The following GRK5 variants were observed in gnomAD, a reference collection of about 807,000 sequenced individuals.
GRK5 encodes g protein-coupled receptor kinase GRK5.
Under a neutral mutation model 78.4 loss-of-function variants are expected in GRK5, and 40 were observed. The ratio of observed to expected loss-of-function variants is 0.51; its 90% CI spans 0.40 to 0.66. GRK5 has a LOEUF of 0.66. Among genes scored for constraint, GRK5 ranks in the 30% least tolerant of loss-of-function variants. The pLI is 0.00. For synonymous variants in GRK5, 289 were observed against 296.8 expected (o/e 0.97, Z 0.27); for missense variants, 598 against 759.9 (o/e 0.79, Z 2.50).
At chr10:119,237,146 T>TC (rs952728389) in intron 1 of GRK5, among the ~76,000 whole-genome samples, 9 of 149,028 alleles carry the variant, frequency 6.0e-5, no homozygotes, top group African/African-American at 2.2e-4. Context: ...TACTGCAATC[T>TC]CCGACTCCCA....
At chr10:119,389,875 G>T (rs1379949471) in intron 3 of GRK5, among the ~76,000 whole-genome samples, 2 of 152,020 alleles carry the variant, frequency 1.3e-5, no homozygotes, top group Non-Finnish European at 2.9e-5. Context: ...AAGTGCTTGT[G>T]TCCCTGGTCT....
At chr10:119,214,336 G>A (rs1487136453) in intron 1 of GRK5, among the ~76,000 whole-genome samples, 1 of 152,110 alleles carries the variant, frequency 6.6e-6, no homozygotes, top group Non-Finnish European at 1.5e-5. Context: ...TTTCCCCGAA[G>A]AGCTGAGGCT....
intron 1 of GRK5, among the ~76,000 whole-genome samples, chr10:119,318,829 C>T (rs1273742275): frequency 1.3e-5 from 2 of 152,190 alleles, no homozygotes; most frequent in Non-Finnish European, 2.9e-5. Flanking sequence ...CTCTCAGAAA[C>T]AGCAAAGGCA....
At chr10:119,363,539 G>A (rs1851398453) in intron 2 of GRK5, among the ~76,000 whole-genome samples, 1 of 152,224 alleles carries the variant, frequency 6.6e-6, no homozygotes, top group South Asian at 2.1e-4. Flanking sequence ...TGTCCCTCAT[G>A]GAACAGTGCT....
chr10:119,421,553 G>A (rs1852569558), intron 4 of GRK5, among the ~76,000 whole-genome samples: 1 of 152,252 alleles, frequency 6.6e-6, no homozygotes, highest in Admixed American at 6.5e-5. Context: ...CCCGTGCTCT[G>A]TGGGTTGCTC....
At chr10:119,339,781 C>T (rs1000549146) in intron 2 of GRK5, among the ~76,000 whole-genome samples, 1 of 152,056 alleles carries the variant, frequency 6.6e-6, no homozygotes, top group African/African-American at 2.4e-5. Flanking sequence ...GTAGTTCCAG[C>T]TACTTGGGAG....
intron 2 of GRK5, among the ~76,000 whole-genome samples, chr10:119,366,260 T>C (rs1851447638): frequency 6.6e-6 from 1 of 152,202 alleles, no homozygotes; most frequent in African/African-American, 2.4e-5. Context: ...TCCTGGTGAA[T>C]AGCTTTCTCA....
At position 119,207,705 on chromosome 10, in the gene GRK5, AGCGGCGGCGGCGGCGGCG is replaced by A. The variant is rs76422636; in HGVS notation, c.-201_-184del. 1.2e-4 allele frequency: 52 copies of A among 446,840 alleles called. 1 individual carries two copies. The highest frequency in any genetic ancestry group is 2.0e-4 in the Non-Finnish European group (51 of 259,028). The allele number at this position is 446,840 out of a possible 1,614,324, so 27.7% of individuals were successfully genotyped here. On this transcript the variant is annotated 5_prime_UTR_variant, in exon 1 of 16. Transcript: ENST00000392870. ...GAGGGGGGACACAGAGGGAGGAAGA[AGCGGCGGCGGCGGCGGCG>A]GCGGCGGCGGCTCCTCTTTGCAGAG...
chr10:119,338,453 C>G (rs1335281553), intron 2 of GRK5, among the ~76,000 whole-genome samples: 1 of 152,206 alleles, frequency 6.6e-6, no homozygotes, highest in Non-Finnish European at 1.5e-5. Context: ...TTTCTTCTAG[C>G]TTTTTTCCCC....
intron 2 of GRK5, among the ~76,000 whole-genome samples, chr10:119,349,957 CCT>C (rs1310114280): frequency 1.3e-5 from 2 of 152,236 alleles, no homozygotes; most frequent in African/African-American, 4.8e-5. Flanking sequence ...TTTCACACTC[CCT>C]GAGCCCAAGT....
rs200072822 is a variant in GRK5 at position 119,436,714 on chromosome 10, G to A, written c.802G>A (p.Gly268Arg). Residue 268 changes from glycine (G) to arginine (R), a missense_variant, in exon 9 of 16, where the codon GGG becomes AGG. Physicochemically the swap from Gly to Arg is moderately radical, Grantham distance 125. Coordinates refer to ENST00000392870, the MANE Select transcript of GRK5 (RefSeq NM_005308.3). Reference protein sequence around the residue: ...ALCLVLTIMNGGDLKFHIYNM... With the variant: ...ALCLVLTIMNRGDLKFHIYNM... ...GTGCTTGGTCCTGACCATCATGAAT[G>A]GGGGTGACCTGAAGTTCCACATCTA... is the stretch of plus-strand genomic sequence containing the variant. 4 of 1,614,090 alleles carry A rather than the reference G, an allele frequency of 2.5e-6. No individual in the cohort carries two copies.
At chr10:119,353,023 A>C (rs1851210322) in intron 2 of GRK5, among the ~76,000 whole-genome samples, 2 of 152,184 alleles carry the variant, frequency 1.3e-5, no homozygotes, top group Admixed American at 1.3e-4. Flanking sequence ...CAGAAATATC[A>C]AAAGTTTGGA....
At chr10:119,380,726 A>G (rs974320350) in intron 2 of GRK5, 89 bp from the exon 3 acceptor site, 3 of 754,162 alleles carry the variant, frequency 4.0e-6, no homozygotes, top group Non-Finnish European at 7.0e-6. Flanking sequence ...CCATCCATCT[A>G]GGGCTCTGAG....
chr10:119,313,194 G>T (rs1438145965), intron 1 of GRK5, among the ~76,000 whole-genome samples: 1 of 149,258 alleles, frequency 6.7e-6, no homozygotes, highest in Non-Finnish European at 1.5e-5. Context: ...GATGATGATG[G>T]TGGTGGTAAT....
chr10:119,430,889 G>C lies in GRK5; in HGVS notation c.597+451G>C, dbSNP rs1852804067. ...TCCCATTTTAGAGATGAGGAAAGCT[G>C]AGGTCCAGAATGGTTAGGTGACCCA... is the stretch of plus-strand genomic sequence containing the variant. On this transcript the variant is annotated intron_variant, in intron 7 of 15. Transcript: ENST00000392870. This position sits in a 1 kb window ranked among gnomAD's most constrained non-coding sequence, Gnocchi z 4.5. 6.6e-6 allele frequency among the ~76,000 whole-genome samples: 1 copy of C among 152,214 alleles called. No individual in the cohort carries two copies. The highest frequency in any genetic ancestry group is 1.5e-5 in the Non-Finnish European group (1 of 68,026).
intron 2 of GRK5, among the ~76,000 whole-genome samples, chr10:119,371,192 G>A (rs756683847): frequency 1.3e-5 from 2 of 152,096 alleles, no homozygotes; most frequent in South Asian, 2.1e-4. Flanking sequence ...AGCCCTCCCC[G>A]CACCCGGGCT....
chr10:119,293,667 G>C (rs1321171566), intron 1 of GRK5, among the ~76,000 whole-genome samples: 1 of 150,320 alleles, frequency 6.7e-6, no homozygotes, highest in African/African-American at 2.4e-5. Flanking sequence ...CCTCGTCACT[G>C]CCCAGGAGAT....
rs544700869 is a variant in GRK5 at position 119,345,438 on chromosome 10, A to C, written c.148+18827A>C. The stretch of plus-strand genomic sequence containing the variant: ...GGGCTTCCTAGCCTCACCGGGTAGA[A>C]ACTTCAGAATTCGCCCATGGGTTGG... On this transcript the variant is annotated intron_variant, in intron 2 of 15. Coordinates refer to ENST00000392870, the MANE Select transcript of GRK5 (RefSeq NM_005308.3). Among the ~76,000 whole-genome samples the C allele has an allele frequency of 8.5e-5, 13 of 152,256 alleles. No homozygotes were observed. In the East Asian group the frequency reaches 2.5e-3, roughly 29 times the overall value.
At chr10:119,453,495 T>G (rs1389486932) in intron 15 of GRK5, among the ~76,000 whole-genome samples, 3 of 152,150 alleles carry the variant, frequency 2.0e-5, no homozygotes, top group Non-Finnish European at 4.4e-5. Context: ...AAATTCACCC[T>G]CCCTCTGGGT....
Sources: gnomAD v4.1 joint callset for allele counts (sites outside exome capture counted in the v4.1 genomes callset) on GRCh38, gnomAD v4.1.1 for gene constraint, Gnocchi (gnomAD v3.1) non-coding constraint, MANE v1.5 for transcripts, NCBI Gene and HGNC (gene_info 2026-07-23, HGNC 2026-07-21) for gene names.